KCND3: variants seen among roughly 807,000 people sequenced by gnomAD.
KCND3 encodes the protein A-type voltage-gated potassium channel KCND3.
KCND3 carries 9 observed loss-of-function variants against 51.1 expected under a neutral mutation model. The observed-to-expected ratio is 0.18, with a 90% CI of 0.11 to 0.31. KCND3 has a LOEUF of 0.31. Among genes scored for constraint, KCND3 ranks in the 10% least tolerant of loss-of-function variants. KCND3 has a pLI of 1.00. For synonymous variants in KCND3, 349 were observed against 368.0 expected (o/e 0.95, Z 0.59); for missense variants, 526 against 903.8 (o/e 0.58, Z 5.36).
At chr1:111,881,426 C>T (rs1240201960) in intron 2 of KCND3, among the ~76,000 whole-genome samples, 1 of 152,248 alleles carries the variant, frequency 6.6e-6, no homozygotes, top group Non-Finnish European at 1.5e-5. Flanking sequence ...CCAACAGCTG[C>T]CCGCACAGGG....
At chr1:111,872,235 G>T (rs1571773729) in intron 2 of KCND3, among the ~76,000 whole-genome samples, 2 of 152,288 alleles carry the variant, frequency 1.3e-5, no homozygotes, top group East Asian at 3.9e-4. Flanking sequence ...AGACAAGACC[G>T]TAGATTTCCA....
intron 5 of KCND3, among the ~76,000 whole-genome samples, chr1:111,779,850 ACTCTT>A (rs1222574778): frequency 1.3e-5 from 2 of 152,062 alleles, no homozygotes; most frequent in East Asian, 1.9e-4. Context: ...AGAAATCAAC[ACTCTT>A]CTCTACTCTC....
intron 2 of KCND3, among the ~76,000 whole-genome samples, chr1:111,979,600 T>C (rs974187149): frequency 9.9e-5 from 15 of 152,192 alleles, no homozygotes; most frequent in African/African-American, 3.1e-4. Context: ...AGAAAGGGCA[T>C]TGGAGCAGCC....
rs776329540 is a variant in KCND3 at position 111,981,609 on chromosome 1, G to T, written c.1106+12C>A. ...ACCTCCGTCCTGGTTTCATCCACCAGCGCTGACTTACCCCAGTGTGGTCAT... is the reference window on the plus strand; with the variant it reads ...ACCTCCGTCCTGGTTTCATCCACCATCGCTGACTTACCCCAGTGTGGTCAT... On this transcript the variant is annotated intron_variant, in intron 2 of 7. Coordinates refer to ENST00000302127, the MANE Select transcript of KCND3 (RefSeq NM_001378969.1). This position sits in a 1 kb window ranked among gnomAD's most constrained non-coding sequence, Gnocchi z 6.2. The T allele has an allele frequency of 6.2e-7, 1 of 1,614,092 alleles. No homozygotes were observed. The highest frequency in any genetic ancestry group is 1.1e-5 in the South Asian group (1 of 91,068).
intron 2 of KCND3, among the ~76,000 whole-genome samples, chr1:111,919,925 G>T (rs995711022): frequency 5.9e-5 from 9 of 152,246 alleles, no homozygotes; most frequent in Non-Finnish European, 1.0e-4. Context: ...GGCCAGCCTG[G>T]ATGGAGGGAG....
chr1:111,908,688 G>C (rs1007868532), intron 2 of KCND3, among the ~76,000 whole-genome samples: 1 of 152,000 alleles, frequency 6.6e-6, no homozygotes, highest in Non-Finnish European at 1.5e-5. Flanking sequence ...TGATGAATTT[G>C]CTTCTCTTGA....
intron 2 of KCND3, among the ~76,000 whole-genome samples, chr1:111,969,373 G>C (rs1432604892): frequency 6.6e-6 from 1 of 152,152 alleles, no homozygotes; most frequent in African/African-American, 2.4e-5. Context: ...AGAGGTTGTG[G>C]AAGGAGATTT....
At chr1:111,837,373 C>G (rs1446787051) in intron 2 of KCND3, among the ~76,000 whole-genome samples, 3 of 152,338 alleles carry the variant, frequency 2.0e-5, no homozygotes, top group Non-Finnish European at 2.9e-5. Context: ...AAGAAGATCT[C>G]TGCTGCTCAA....
intron 2 of KCND3, among the ~76,000 whole-genome samples, chr1:111,916,149 A>C (rs1211843622): frequency 6.6e-6 from 1 of 152,214 alleles, no homozygotes; most frequent in Non-Finnish European, 1.5e-5. Flanking sequence ...CATATAAATC[A>C]CTGGCTAAGA....
Position 111,771,986 on chromosome 1 carries a change from T to C in KCND3, c.*4091A>G, listed in dbSNP as rs904088001. 6.6e-6 allele frequency: 1 copy of C among 152,122 alleles called. No individual in the cohort carries two copies. Among genetic ancestry groups the C allele is most frequent in the Non-Finnish European group, 1.5e-5 (1 of 68,022 alleles). 9.4% of individuals were successfully genotyped at this position (152,122 alleles called of 1,614,324 possible). On this transcript the variant is annotated 3_prime_UTR_variant, in exon 8 of 8. Transcript: ENST00000302127. ...CACGTCACCACCCTGGAAATCCAGG[T>C]ATGAAAAATATAAGCAAGCCTCAGA...
intron 2 of KCND3, among the ~76,000 whole-genome samples, chr1:111,818,077 C>G (rs1412950924): frequency 4.9e-5 from 7 of 141,698 alleles, no homozygotes; most frequent in Non-Finnish European, 7.7e-5. Context: ...CACACACACA[C>G]AGAATTATGA....
At chr1:111,920,446 T>C (rs971793470) in intron 2 of KCND3, among the ~76,000 whole-genome samples, 1 of 152,222 alleles carries the variant, frequency 6.6e-6, no homozygotes, top group Non-Finnish European at 1.5e-5. Flanking sequence ...ACAAAGCAAA[T>C]TGGCATATGG....
intron 2 of KCND3, among the ~76,000 whole-genome samples, chr1:111,928,966 G>C (rs1196572124): frequency 6.6e-6 from 1 of 152,200 alleles, no homozygotes. Context: ...AAGGTTAATA[G>C]AGCCTCCTGC....
At position 111,938,146 on chromosome 1, in the gene KCND3, A is replaced by G. The variant is rs997814527; in HGVS notation, c.1106+43475T>C. 2.0e-5 allele frequency among the ~76,000 whole-genome samples: 3 copies of G among 152,218 alleles called. No individual in the cohort carries two copies. The South Asian group carries it at 6.2e-4, about 32-fold the overall frequency. Reference sequence around the variant, plus strand: ...AGAATCATTGACTGTTAGTGATGGAAGAAACCCTGGAAATCATCAAACCCA... The same window carrying G: ...AGAATCATTGACTGTTAGTGATGGAGGAAACCCTGGAAATCATCAAACCCA... On this transcript the variant is annotated intron_variant, in intron 2 of 7. Transcript: ENST00000302127.
chr1:111,780,900 A>T lies in KCND3; in HGVS notation c.1270-109T>A, dbSNP rs1557933505. Reference sequence around the variant, plus strand: ...TCCCAGGTGACACCTGATGAAGGGGATGAGGCTGTTTCTCTCCAACCTCAT... The same window carrying T: ...TCCCAGGTGACACCTGATGAAGGGGTTGAGGCTGTTTCTCTCCAACCTCAT... On this transcript the variant is annotated intron_variant, in intron 3 of 7. Coordinates refer to ENST00000302127, the MANE Select transcript of KCND3 (RefSeq NM_001378969.1). The surrounding 1 kb of genome is among the most constrained non-coding windows in gnomAD (Gnocchi z 4.2). 2.3e-6 allele frequency: 2 copies of T among 867,100 alleles called. No individual in the cohort carries two copies. Among genetic ancestry groups the T allele is most frequent in the Non-Finnish European group, 3.7e-6 (2 of 533,874 alleles). 53.7% of individuals were successfully genotyped at this position (867,100 alleles called of 1,614,324 possible).
At chr1:111,964,327 C>T (rs894325886) in intron 2 of KCND3, among the ~76,000 whole-genome samples, 33 of 152,152 alleles carry the variant, frequency 2.2e-4, no homozygotes, top group African/African-American at 8.0e-4. Context: ...GGCTGAAGCC[C>T]GGGATGCTAA....
At chr1:111,905,278 C>T (rs759955522) in intron 2 of KCND3, among the ~76,000 whole-genome samples, 1 of 152,208 alleles carries the variant, frequency 6.6e-6, no homozygotes, top group Non-Finnish European at 1.5e-5. Context: ...GAACAGGAGA[C>T]ACTGATGGGA....
intron 2 of KCND3, among the ~76,000 whole-genome samples, chr1:111,978,558 G>A (rs55638390): frequency 1.2e-4 from 18 of 152,326 alleles, no homozygotes; most frequent in Non-Finnish European, 2.2e-4. Context: ...CCATGGAAGA[G>A]GGAAAAGTTT....
At chr1:111,852,391 C>G (rs956926694) in intron 2 of KCND3, among the ~76,000 whole-genome samples, 4 of 152,196 alleles carry the variant, frequency 2.6e-5, no homozygotes, top group African/African-American at 9.7e-5. Flanking sequence ...TTTTTGTGGG[C>G]CGGCAGGGAC....
Sources: allele counts gnomAD v4.1 joint callset (sites outside exome capture counted in the v4.1 genomes callset), GRCh38; gene constraint gnomAD v4.1.1; non-coding constraint Gnocchi (gnomAD v3.1); transcripts MANE v1.5; gene names NCBI Gene and HGNC (gene_info 2026-07-23, HGNC 2026-07-21).